The following RALGDS variants were observed in gnomAD, a reference collection of about 807,000 sequenced individuals.
RALGDS encodes the protein ral guanine nucleotide dissociation stimulator, also known as ral guanine nucleotide exchange factor.
RALGDS carries 44 observed loss-of-function variants against 99.8 expected under a neutral mutation model. The ratio of observed to expected loss-of-function variants is 0.44; its 90% confidence interval spans 0.35 to 0.57. RALGDS has a LOEUF of 0.57. RALGDS is among the 20% of genes least tolerant of loss of function. The pLI is 0.01. For synonymous variants in RALGDS, 529 were observed against 505.0 expected (o/e 1.05, Z -0.64); for missense variants, 1,022 against 1,203.1 (o/e 0.85, Z 2.23).
In RALGDS at chr9:133,109,669, G is replaced by A; in HGVS notation, c.541C>T (p.Pro181Ser). 1 of 1,613,984 alleles carries A rather than the reference G, an allele frequency of 6.2e-7. No homozygotes were observed. Among genetic ancestry groups the A allele is most frequent in the South Asian group, 1.1e-5 (1 of 91,080 alleles). ...TASSRYGCIL[P>S]YSDEDGGPQD... ...GGTCCACCATCCTCGTCGGAATAGG[G>A]GAGGATGCAGCCGTATCTAGAGGAG... The change falls in exon 4 of 18, where the codon CCC becomes TCC. Residue 181 changes from proline (P) to serine (S), a missense_variant. By Grantham distance (74) the Pro-to-Ser change is moderately conservative (BLOSUM62 -1). Coordinates refer to ENST00000372050, the MANE Select transcript of RALGDS (RefSeq NM_006266.4).
At position 133,101,758 on chromosome 9, in the gene RALGDS, C is replaced by A; in HGVS notation, c.2216G>T (p.Trp739Leu). The A allele has an allele frequency of 1.2e-6, 2 of 1,607,118 alleles. No homozygotes were observed. Among genetic ancestry groups the A allele is most frequent in the East Asian group, 4.5e-5 (2 of 44,516 alleles). ...ESPDGQEKKF[W>L]ESASQSSPET... ...CGGGGATGACTGTGAGGCTGATTCC[C>A]AGAACTGAGGGAGACGGTAAGATCA... The change falls in exon 16 of 18, where the codon TGG becomes TTG. Residue 739 changes from tryptophan (W) to leucine (L), a missense_variant. By Grantham distance (61) the Trp-to-Leu change is moderately conservative (BLOSUM62 -2). This residue lies in a region of RALGDS where 825 missense variants were observed against 994.5 expected (regional missense o/e 0.83). Coordinates refer to ENST00000372050, the MANE Select transcript of RALGDS (RefSeq NM_006266.4).
At chr9:133,102,336 G>A (rs1318337562) in intron 14 of RALGDS, 140 bp downstream of exon 14, 1 of 1,105,532 alleles carries the variant, frequency 9.0e-7, no homozygotes, top group Non-Finnish European at 1.3e-6. Context: ...AAGGTGAGGG[G>A]ACTCATCCCA....
At position 133,098,562 on chromosome 9, in the gene RALGDS, C is replaced by G; in HGVS notation, c.*25G>C. ...TGGTCCATAAGTGCTTGGCTACCAG[C>G]CAGCCAGACCCTGGGAGGATGCCCT... On this transcript the variant is annotated 3_prime_UTR_variant, in exon 18 of 18. Coordinates refer to ENST00000372050, the MANE Select transcript of RALGDS (RefSeq NM_006266.4). The G allele has an allele frequency of 7.4e-6, 12 of 1,613,086 alleles. No individual in the cohort carries two copies. The highest frequency in any genetic ancestry group is 1.0e-5 in the Non-Finnish European group (12 of 1,179,782).
chr9:133,111,655 G>A (rs1027548547), intron 2 of RALGDS, among the ~76,000 whole-genome samples: 1 of 152,222 alleles, frequency 6.6e-6, no homozygotes, highest in Non-Finnish European at 1.5e-5. Flanking sequence ...CTGGGGCAGT[G>A]GCTCCAGCCT....
At chr9:133,110,216 G>T in intron 3 of RALGDS, 80 bp downstream of exon 3, 1 of 1,398,530 alleles carries the variant, frequency 7.2e-7, no homozygotes. Context: ...AGGTGAATCA[G>T]CATTGCCAAG....
At chr9:133,100,582 G>A in intron 16 of RALGDS, 200 bp from the exon 17 acceptor site, 1 of 1,446,616 alleles carries the variant, frequency 6.9e-7, no homozygotes, top group Non-Finnish European at 9.1e-7. Context: ...TGTTCCCCAT[G>A]TGAGGCCTCC....
intron 8 of RALGDS, 48 bp from the exon 9 acceptor site, chr9:133,106,064 G>C (rs1483051285): frequency 6.9e-7 from 1 of 1,452,226 alleles, no homozygotes; most frequent in African/African-American, 1.4e-5. Context: ...ATGGTAGGGA[G>C]GGGTGTGAGT....
upstream of RALGDS, among the ~76,000 whole-genome samples, chr9:133,134,529 G>A (rs1019408083): frequency 2.0e-5 from 3 of 152,312 alleles, no homozygotes; most frequent in East Asian, 1.9e-4. Context: ...GTCACACAGC[G>A]TGTCAGTGCC....
rs377532288 is a variant in RALGDS at position 133,108,735 on chromosome 9, C to T, written c.716G>A (p.Arg239His). 1.8e-5 allele frequency: 29 copies of T among 1,613,696 alleles called. No homozygotes were observed. Among genetic ancestry groups the T allele is most frequent in the Middle Eastern group, 1.7e-4 (1 of 6,060 alleles). ...QLNMPGSDLE[R>H]RAHLLLAQLE... The stretch of plus-strand genomic sequence containing the variant: ...CTGGGCCAGGAGAAGGTGGGCACGG[C>T]GCTCCAGGTCTGAGCCTGGCATGTT... Residue 239 changes from arginine to histidine, a missense_variant, in exon 5 of 18, where the codon CGC becomes CAC. By Grantham distance (29) the Arg-to-His change is conservative. This residue lies in a region of RALGDS where 825 missense variants were observed against 994.5 expected (regional missense o/e 0.83). Coordinates refer to ENST00000372050, the MANE Select transcript of RALGDS (RefSeq NM_006266.4).
upstream of RALGDS, among the ~76,000 whole-genome samples, chr9:133,132,685 G>C (rs1028523373): frequency 4.6e-5 from 7 of 152,006 alleles, no homozygotes; most frequent in Admixed American, 1.3e-4. Context: ...TGTCACCCAG[G>C]CTGGAGTGCA....
chr9:133,117,161 T>C (rs1831649007), intron 1 of RALGDS, among the ~76,000 whole-genome samples: 1 of 152,192 alleles, frequency 6.6e-6, no homozygotes, highest in South Asian at 2.1e-4. Flanking sequence ...GAAAACCTCA[T>C]TGTGGCAGCT....
rs185051790 is a variant in RALGDS at position 133,110,331 on chromosome 9, G to A, written c.453C>T (p.Thr151=). ...TIFLCTYRAF[T]TTQQVLDLLF... is the part of the protein sequence containing the mutation. ...GCAGGTCCAGGACCTGTTGGGTGGTGGTGAAGGCTCTATAGGTACACAGGA... is the reference window on the plus strand; with the variant it reads ...GCAGGTCCAGGACCTGTTGGGTGGTAGTGAAGGCTCTATAGGTACACAGGA... Residue 151 remains threonine, a synonymous_variant, in exon 3 of 18, where the codon ACC becomes ACT. Transcript: ENST00000372050. 161 of 1,613,926 alleles carry A rather than the reference G, an allele frequency of 1.0e-4. 1 individual carries two copies. In the East Asian group the frequency reaches 2.0e-3, roughly 20 times the overall value.
At chr9:133,113,576 C>CA (rs1455923899) in intron 1 of RALGDS, among the ~76,000 whole-genome samples, 1 of 152,244 alleles carries the variant, frequency 6.6e-6, no homozygotes, top group Non-Finnish European at 1.5e-5. Context: ...ACAGCCCCGC[C>CA]AGGGGAGGTC....
upstream of RALGDS, among the ~76,000 whole-genome samples, chr9:133,134,030 C>G (rs991587432): frequency 6.6e-6 from 1 of 152,218 alleles, no homozygotes; most frequent in African/African-American, 2.4e-5. Flanking sequence ...GCTAACTTGA[C>G]TCAGGGAGCT....
chr9:133,130,974 GGATGCC>G, exon 1 of RALGDS: 1 of 1,535,572 alleles, frequency 6.5e-7, no homozygotes. Context: ...CTGGCCGGGT[GGATGCC>G]CAGTCCCTGG....
At chr9:133,112,370 T>C (rs1831390441) in intron 1 of RALGDS, among the ~76,000 whole-genome samples, 1 of 152,112 alleles carries the variant, frequency 6.6e-6, no homozygotes, top group South Asian at 2.1e-4. Context: ...GACGTGATTA[T>C]GATGAGTCCA....
At chr9:133,135,553 C>A (rs886881058), upstream of RALGDS, among the ~76,000 whole-genome samples, 2 of 152,252 alleles carry the variant, frequency 1.3e-5, no homozygotes, top group Non-Finnish European at 2.9e-5. Context: ...TGCCTGCCCC[C>A]AGGTCCAGCT....
chr9:133,148,868 C>T (rs1832668895), intron 1 of RALGDS: 4 of 1,467,508 alleles, frequency 2.7e-6, no homozygotes, highest in Non-Finnish European at 3.7e-6. Context: ...TCAGCGTGGA[C>T]GCGGCGCCGG....
At chr9:133,131,879 T>G (rs1832340542), upstream of RALGDS, among the ~76,000 whole-genome samples, 1 of 152,230 alleles carries the variant, frequency 6.6e-6, no homozygotes, top group Admixed American at 6.5e-5. Flanking sequence ...GCTGGAGGAT[T>G]CCACAAGAAC....
Sources: gnomAD v4.1 joint callset for allele counts (sites outside exome capture counted in the v4.1 genomes callset) on GRCh38, gnomAD v4.1.1 for gene constraint, gnomAD v4.1.1 regional missense constraint, MANE v1.5 for transcripts, NCBI Gene and HGNC (gene_info 2026-07-23, HGNC 2026-07-21) for gene names.